Variants in FAAH2 observed in about 807,000 individuals in gnomAD.
FAAH2 encodes the protein fatty-acid amide hydrolase 2.
In FAAH2, 60 loss-of-function variants were observed where a neutral mutation model predicts 36.9. The ratio of observed to expected loss-of-function variants is 1.63; its 90% confidence interval spans 1.32 to 2.02. The LOEUF is 2.02. Among genes scored for constraint, FAAH2 ranks in the 30% most tolerant of loss-of-function variants. The pLI is 0.00. For synonymous variants in FAAH2, 214 were observed against 143.8 expected (o/e 1.49, Z -3.49); for missense variants, 689 against 397.5 (o/e 1.73, Z -6.23).
chrX:57,228,670 C>A, the FAAH2 span, among the ~76,000 whole-genome samples: 2 of 111,502 alleles, frequency 1.8e-5, no homozygotes, highest in Non-Finnish European at 3.8e-5. Flanking sequence ...CAAATTTACA[C>A]ATTTTAAAAT....
At chrX:57,267,802 A>T in the FAAH2 span, among the ~76,000 whole-genome samples, 1 of 112,536 alleles carries the variant, frequency 8.9e-6, no homozygotes, top group Admixed American at 9.4e-5. Context: ...CTTATATCAC[A>T]ATCAAACACT....
intron 5 of FAAH2, among the ~76,000 whole-genome samples, chrX:57,344,557 C>A (rs963189097): frequency 9.0e-6 from 1 of 111,055 alleles, no homozygotes; most frequent in Non-Finnish European, 1.9e-5. Flanking sequence ...TTGTCTTTGT[C>A]CTATTTGAAT....
At chrX:57,268,300 T>C in the FAAH2 span, among the ~76,000 whole-genome samples, 3 of 110,202 alleles carry the variant, frequency 2.7e-5, no homozygotes, top group African/African-American at 9.9e-5. Context: ...CAAGAATAGA[T>C]AAAAAAAGAA....
chrX:57,487,226 G>T (rs185474612), intron 10 of FAAH2, among the ~76,000 whole-genome samples: 4 of 109,858 alleles, frequency 3.6e-5, no homozygotes, highest in Non-Finnish European at 7.6e-5. Flanking sequence ...TGAGATAAAA[G>T]GTTTCCTAGA....
chrX:57,389,428 G>T (rs2055110900), intron 7 of FAAH2, among the ~76,000 whole-genome samples: 1 of 107,137 alleles, frequency 9.3e-6, no homozygotes, highest in African/African-American at 3.4e-5. Flanking sequence ...TCTACTTCTA[G>T]GAATTTGACT....
rs1436064657 is a variant in FAAH2 at position 57,301,609 on chromosome X, TAATAATA to T, written c.276-8982_276-8976del. On this transcript the variant is annotated intron_variant, in intron 2 of 10. Coordinates refer to ENST00000374900, the MANE Select transcript of FAAH2 (RefSeq NM_174912.4). ...CACATGTACCCTAAAACTTAAAGTA[TAATAATA>T]ATAATAATAATAATAATAATAATAA... Among the ~76,000 whole-genome samples, 46 of 2,961 alleles carry T rather than the reference TAATAATA, an allele frequency of 0.016. No homozygotes were observed. In the Non-Finnish European group the frequency reaches 0.24, roughly 15 times the overall value. 2.6% of individuals were successfully genotyped at this position (2,961 alleles called of 115,157 possible).
chrX:57,423,794 C>T (rs943787715), intron 7 of FAAH2, among the ~76,000 whole-genome samples: 28 of 111,108 alleles, frequency 2.5e-4, no homozygotes, highest in African/African-American at 8.5e-4. Flanking sequence ...GCCTTGGATA[C>T]AGACAACAGG....
At chrX:57,337,990 T>C (rs2053595784) in intron 4 of FAAH2, among the ~76,000 whole-genome samples, 1 of 111,986 alleles carries the variant, frequency 8.9e-6, no homozygotes, top group African/African-American at 3.2e-5. Flanking sequence ...TACATGATCA[T>C]ATATCTAGAA....
At chrX:57,150,499 C>A in the FAAH2 span, among the ~76,000 whole-genome samples, 1 of 111,970 alleles carries the variant, frequency 8.9e-6, no homozygotes, top group South Asian at 3.7e-4. Flanking sequence ...GAATTGATCC[C>A]TTTTCTATTA....
intron 10 of FAAH2, among the ~76,000 whole-genome samples, chrX:57,460,059 A>C (rs753606136): frequency 3.6e-5 from 4 of 111,479 alleles, no homozygotes; most frequent in Non-Finnish European, 7.5e-5. Context: ...TAAGCTAAAG[A>C]AGTGTGTTCT....
chrX:57,284,363 C>T (rs1027729061), upstream of FAAH2, among the ~76,000 whole-genome samples: 1 of 107,772 alleles, frequency 9.3e-6, no homozygotes, highest in African/African-American at 3.5e-5. Flanking sequence ...CCAGCCTGGG[C>T]GACAGAATGA....
intron 7 of FAAH2, among the ~76,000 whole-genome samples, chrX:57,407,473 G>GTAA (rs761320319): frequency 8.9e-6 from 1 of 112,162 alleles, no homozygotes; most frequent in Admixed American, 9.4e-5. Flanking sequence ...GGGGAGCAAA[G>GTAA]TAATACCCTA....
chrX:57,149,431 C>A, the FAAH2 span, among the ~76,000 whole-genome samples: 3 of 111,708 alleles, frequency 2.7e-5, no homozygotes, highest in East Asian at 8.4e-4. Context: ...GCCACAATTT[C>A]AGAGCCTGTT....
chrX:57,137,365 C>T, the FAAH2 span: 2 of 754,609 alleles, frequency 2.7e-6, no homozygotes, highest in African/African-American at 2.3e-5. Context: ...AGATGAGGAG[C>T]GTGTGTAGGA....
At chrX:57,235,970 C>G in the FAAH2 span, among the ~76,000 whole-genome samples, 1 of 112,200 alleles carries the variant, frequency 8.9e-6, no homozygotes, top group Non-Finnish European at 1.9e-5. Context: ...AACTTTGTAC[C>G]AATTGAGCAA....
At chrX:57,211,295 T>C in the FAAH2 span, among the ~76,000 whole-genome samples, 6 of 112,027 alleles carry the variant, frequency 5.4e-5, no homozygotes, top group Non-Finnish European at 1.1e-4. Context: ...GCTGCCTCTT[T>C]GGCAAGGCAG....
At chrX:57,230,963 T>C in the FAAH2 span, among the ~76,000 whole-genome samples, 4 of 110,493 alleles carry the variant, frequency 3.6e-5, no homozygotes, top group Non-Finnish European at 7.6e-5. Flanking sequence ...CTTGATTATA[T>C]GCTATACTCT....
chrX:57,265,959 A>T, the FAAH2 span, among the ~76,000 whole-genome samples: 1 of 110,040 alleles, frequency 9.1e-6, no homozygotes, highest in Non-Finnish European at 1.9e-5. Flanking sequence ...GAGGTTTCAG[A>T]CCTCCCTGGG....
At chrX:57,270,938 T>C in the FAAH2 span, among the ~76,000 whole-genome samples, 1 of 112,076 alleles carries the variant, frequency 8.9e-6, no homozygotes, top group Non-Finnish European at 1.9e-5. Context: ...GAGCTCTTTT[T>C]TTCCCATACC....
Sources: gnomAD v4.1 joint callset for allele counts (sites outside exome capture counted in the v4.1 genomes callset) on GRCh38, gnomAD v4.1.1 for gene constraint, MANE v1.5 for transcripts, NCBI Gene and HGNC (gene_info 2026-07-23, HGNC 2026-07-21) for gene names.